ATAD2B: variants seen among roughly 807,000 people sequenced by gnomAD.
ATAD2B encodes ATPase family AAA domain-containing protein 2B.
A neutral mutation model predicts 167.6 loss-of-function variants in ATAD2B; 40 were observed. That is an observed-to-expected ratio of 0.24 (90% confidence interval 0.19 to 0.31). The LOEUF is 0.31. Among genes scored for constraint, ATAD2B ranks in the 10% least tolerant of loss-of-function variants. The pLI is 1.00. For synonymous variants in ATAD2B, 579 were observed against 596.5 expected, an observed-to-expected ratio of 0.97 and a Z score of 0.43; for missense variants, 1,242 against 1,757.2, an observed-to-expected ratio of 0.71 and a Z score of 5.24.
intron 13 of ATAD2B, among the ~76,000 whole-genome samples, chr2:23,838,660 A>C (rs1352168591): frequency 1.3e-5 from 2 of 152,134 alleles, no homozygotes; most frequent in African/African-American, 4.8e-5. Flanking sequence ...GTTTTGTATG[A>C]TGTGTAGAGG....
At chr2:23,857,291 C>A (rs1693578185) in intron 13 of ATAD2B, 124 bp downstream of exon 13, 1 of 540,128 alleles carries the variant, frequency 1.9e-6, no homozygotes, top group Non-Finnish European at 3.2e-6. Flanking sequence ...AAGAAGTAGT[C>A]CTCACAGACA....
the ATAD2B span, among the ~76,000 whole-genome samples, chr2:23,723,892 T>C: frequency 1.3e-5 from 2 of 152,202 alleles, no homozygotes; most frequent in East Asian, 1.9e-4. Context: ...CAACAACAGA[T>C]GAATAAAGAA....
chr2:23,923,817 T>C (rs1005046985), intron 1 of ATAD2B, among the ~76,000 whole-genome samples: 1 of 152,166 alleles, frequency 6.6e-6, no homozygotes, highest in Non-Finnish European at 1.5e-5. Context: ...AAAATGTCTC[T>C]GGACACAGTG....
chr2:23,843,554 G>C (rs556381988), intron 13 of ATAD2B, among the ~76,000 whole-genome samples: 1 of 152,352 alleles, frequency 6.6e-6, no homozygotes, highest in East Asian at 1.9e-4. Context: ...AACTCACTAA[G>C]CGGAAGAGTC....
the ATAD2B span, among the ~76,000 whole-genome samples, chr2:23,733,050 G>T: frequency 6.6e-6 from 1 of 152,158 alleles, no homozygotes; most frequent in East Asian, 1.9e-4. Context: ...CTTTAAAGAA[G>T]GCCTGGACAT....
chr2:23,815,585 C>T (rs1686317586), intron 17 of ATAD2B, among the ~76,000 whole-genome samples: 2 of 152,036 alleles, frequency 1.3e-5, no homozygotes, highest in East Asian at 3.9e-4. Context: ...GTCATTAACA[C>T]AGAGATTTTT....
At chr2:23,786,261 C>T (rs1449592229) in intron 20 of ATAD2B, 38 bp from the exon 21 acceptor site, 6 of 1,493,638 alleles carry the variant, frequency 4.0e-6, no homozygotes, top group East Asian at 2.5e-5. Context: ...ATTCCAACGT[C>T]GTGGGCCAGG....
chr2:23,870,345 G>C (rs1441974249), intron 8 of ATAD2B, among the ~76,000 whole-genome samples: 4 of 142,534 alleles, frequency 2.8e-5, no homozygotes, highest in Non-Finnish European at 4.5e-5. Flanking sequence ...GGAGTGCGGT[G>C]GCAAGGTCAG....
intron 6 of ATAD2B, among the ~76,000 whole-genome samples, chr2:23,881,582 C>G (rs1470103121): frequency 6.6e-6 from 1 of 151,584 alleles, no homozygotes. Flanking sequence ...AAGATGGTCT[C>G]GAACTCCAGA....
chr2:23,918,483 A>G (rs1703406644), intron 1 of ATAD2B, among the ~76,000 whole-genome samples: 1 of 152,216 alleles, frequency 6.6e-6, no homozygotes. Flanking sequence ...AAGGAAAAAT[A>G]CTGCAAAAAC....
intron 7 of ATAD2B, among the ~76,000 whole-genome samples, chr2:23,877,982 T>C (rs1267886187): frequency 1.9e-5 from 2 of 106,892 alleles, no homozygotes; most frequent in African/African-American, 3.5e-5. Context: ...TTCGCACCAA[T>C]GCACTCCAGC....
At chr2:23,815,238 T>C (rs1461862852) in intron 17 of ATAD2B, among the ~76,000 whole-genome samples, 1 of 152,128 alleles carries the variant, frequency 6.6e-6, no homozygotes, top group Non-Finnish European at 1.5e-5. Flanking sequence ...GCATCTGCTA[T>C]AGTAACCCAG....
intron 1 of ATAD2B, among the ~76,000 whole-genome samples, chr2:23,900,351 G>A (rs1210355239): frequency 6.6e-6 from 1 of 152,104 alleles, no homozygotes; most frequent in Non-Finnish European, 1.5e-5. Flanking sequence ...ACAAGCATGA[G>A]CCACCACGCC....
At chr2:23,803,379 T>C (rs1683817707) in intron 18 of ATAD2B, among the ~76,000 whole-genome samples, 1 of 152,104 alleles carries the variant, frequency 6.6e-6, no homozygotes, top group Non-Finnish European at 1.5e-5. Context: ...TGGACTAATG[T>C]CTAGTGACCA....
the ATAD2B span, among the ~76,000 whole-genome samples, chr2:23,727,271 T>A: frequency 6.6e-6 from 1 of 152,128 alleles, no homozygotes; most frequent in Admixed American, 6.5e-5. Context: ...AGGCAAAAGA[T>A]CTAACCAGAC....
At position 23,763,865 on chromosome 2, in the gene ATAD2B, T is replaced by G. The variant is rs1009934107; in HGVS notation, c.3257-1519A>C. ...CCTCTGCCACCCAAAATGCTGGGAT[T>G]ACAGGCGTGAGCCACCATGTTCAGC... On this transcript the variant is annotated intron_variant, in intron 23 of 27. Coordinates refer to ENST00000238789, the MANE Select transcript of ATAD2B (RefSeq NM_017552.4). 1.4e-4 allele frequency among the ~76,000 whole-genome samples: 21 copies of G among 152,224 alleles called. 1 individual carries two copies. The highest frequency in any genetic ancestry group is 1.4e-3 in the Admixed American group (21 of 15,278).
At chr2:23,880,829 G>T (rs1278319685) in intron 6 of ATAD2B, 74 bp from the exon 7 acceptor site, 1 of 847,732 alleles carries the variant, frequency 1.2e-6, no homozygotes, top group Non-Finnish European at 1.9e-6. Flanking sequence ...CTCTAGAACT[G>T]AATATTTACA....
intron 7 of ATAD2B, 99 bp downstream of exon 7, chr2:23,880,540 G>C: frequency 1.5e-6 from 1 of 680,592 alleles, no homozygotes; most frequent in East Asian, 2.7e-5. Context: ...TCCAGCCTGG[G>C]CGATGGAGCG....
chr2:23,742,948 C>T, the ATAD2B span, among the ~76,000 whole-genome samples: 11 of 151,896 alleles, frequency 7.2e-5, no homozygotes, highest in Admixed American at 4.6e-4. Flanking sequence ...AGACACACAC[C>T]CAGACAGGTC....
Sources: allele counts gnomAD v4.1 joint callset (sites outside exome capture counted in the v4.1 genomes callset), GRCh38; gene constraint gnomAD v4.1.1; transcripts MANE v1.5; gene names NCBI Gene and HGNC (gene_info 2026-07-23, HGNC 2026-07-21).